NPR3: variants seen among roughly 807,000 people sequenced by gnomAD.
The protein encoded by NPR3 is natriuretic peptide receptor 3.
In NPR3, 34 loss-of-function variants were observed where a neutral mutation model predicts 54.5. The observed-to-expected ratio is 0.62, with a 90% CI of 0.47 to 0.83. The LOEUF (loss-of-function observed/expected upper bound fraction) is 0.83, where lower values mean the gene tolerates loss of function less well. NPR3 is among the 40% of genes least tolerant of loss of function. The pLI, the probability that NPR3 is intolerant of heterozygous loss-of-function variation, is 0.00. For synonymous variants in NPR3, 289 were observed against 297.1 expected (o/e 0.97, Z 0.28); for missense variants, 674 against 720.8 (o/e 0.94, Z 0.74).
chr5:32,693,995 G>A (rs775917027), intron 1 of NPR3, among the ~76,000 whole-genome samples: 2 of 151,926 alleles, frequency 1.3e-5, no homozygotes, highest in Non-Finnish European at 1.5e-5. Flanking sequence ...TTCTTTTCTC[G>A]TTGCCTCTGA....
At chr5:32,785,079 A>G (rs891917491) in intron 7 of NPR3, among the ~76,000 whole-genome samples, 196 bp downstream of exon 7, 14 of 149,742 alleles carry the variant, frequency 9.3e-5, no homozygotes, top group Non-Finnish European at 1.8e-4. Flanking sequence ...TGCCAGGGTC[A>G]TGGGTTTTGA....
chr5:32,710,639 C>A, upstream of NPR3: 1 of 1,469,210 alleles, frequency 6.8e-7, no homozygotes, highest in Non-Finnish European at 9.1e-7. Context: ...GACGCCCGGG[C>A]CAGCCGGGCA....
At chr5:32,702,098 G>A (rs62369519) in intron 1 of NPR3, among the ~76,000 whole-genome samples, 39,357 of 152,040 alleles carry the variant, frequency 0.26, 5,851 homozygotes, top group Non-Finnish European at 0.32. Context: ...AGCCAGGCTT[G>A]TGTTCTTCTC....
chr5:32,691,531 G>T (rs903698479), intron 1 of NPR3, among the ~76,000 whole-genome samples: 2 of 152,206 alleles, frequency 1.3e-5, no homozygotes, highest in African/African-American at 4.8e-5. Context: ...TCAGGAAACT[G>T]GTTCAGCTTT....
intron 1 of NPR3, among the ~76,000 whole-genome samples, chr5:32,701,097 C>T (rs570271590): frequency 1.6e-4 from 25 of 152,266 alleles, no homozygotes; most frequent in African/African-American, 4.6e-4. Flanking sequence ...TTCTAACTGG[C>T]GCGAGATGGT....
chr5:32,787,881 G>C lies in NPR3; in HGVS notation c.*1536G>C, dbSNP rs540022757. ...TGGGGTCTTTCCTCAATAACATTTTGAGCATCTGAAAAATAGTTTAAAAAA... is the reference window on the plus strand; with the variant it reads ...TGGGGTCTTTCCTCAATAACATTTTCAGCATCTGAAAAATAGTTTAAAAAA... On this transcript the variant is annotated 3_prime_UTR_variant, in exon 8 of 8. Coordinates refer to ENST00000265074, the MANE Select transcript of NPR3 (RefSeq NM_001204375.2). 1.3e-5 allele frequency: 2 copies of C among 152,150 alleles called. No individual in the cohort carries two copies. Among genetic ancestry groups the C allele is most frequent in the Admixed American group, 6.5e-5 (1 of 15,270 alleles). 9.4% of individuals were successfully genotyped at this position (152,150 alleles called of 1,614,324 possible).
rs80009161 is a variant in NPR3, at chr5:32,789,198, A to G, written c.*2853A>G. ...CTCATCCAGTCAAACTTCAGCTGAC[A>G]TTGATACAGGTCAAAATGCGTAGAT... On this transcript the variant is annotated 3_prime_UTR_variant, in exon 8 of 8. Coordinates refer to ENST00000265074, the MANE Select transcript of NPR3 (RefSeq NM_001204375.2). The G allele has an allele frequency of 3.9e-6, 1 of 257,422 alleles. No homozygotes were observed. Among genetic ancestry groups the G allele is most frequent in the East Asian group, 9.4e-5 (1 of 10,658 alleles). 15.9% of individuals were successfully genotyped at this position (257,422 alleles called of 1,614,324 possible). A position where few individuals can be genotyped will look rare whatever the true frequency, so the allele number is the denominator to read the frequency against.
intron 1 of NPR3, chr5:32,713,519 T>G: frequency 1.1e-6 from 1 of 936,286 alleles, no homozygotes; most frequent in Non-Finnish European, 1.3e-6. Context: ...TTAGGAGCAC[T>G]GCGATGAGGG....
intron 1 of NPR3, among the ~76,000 whole-genome samples, chr5:32,697,865 T>C (rs1309777995): frequency 6.6e-6 from 1 of 152,146 alleles, no homozygotes; most frequent in Non-Finnish European, 1.5e-5. Flanking sequence ...ATTTTATTTA[T>C]TCAGGTATTC....
At chr5:32,735,479 C>CAA (rs10555665) in intron 2 of NPR3, among the ~76,000 whole-genome samples, 2,221 of 127,010 alleles carry the variant, frequency 0.017, 17 homozygotes, top group African/African-American at 0.027. Flanking sequence ...AGAAAAATAC[C>CAA]AAAAAAAAAA....
chr5:32,692,340 T>A (rs1740413850), intron 1 of NPR3, among the ~76,000 whole-genome samples: 1 of 152,190 alleles, frequency 6.6e-6, no homozygotes, highest in African/African-American at 2.4e-5. Context: ...CAGGTTAAAA[T>A]AGCTCTTACT....
Position 32,756,495 on chromosome 5 carries a change from G to A in NPR3, c.1059+17465G>A, listed in dbSNP as rs1272846226. ...TTTGTTTGAGTTCTTTGTAGATTCC[G>A]GATATTAGCCCTTTGTCAGATGAGT... is the stretch of plus-strand genomic sequence containing the variant. On this transcript the variant is annotated intron_variant, in intron 3 of 7. Coordinates refer to ENST00000265074, the MANE Select transcript of NPR3 (RefSeq NM_001204375.2). 3.9e-5 allele frequency among the ~76,000 whole-genome samples: 6 copies of A among 152,076 alleles called. No homozygotes were observed. The East Asian group carries it at 5.8e-4, about 15-fold the overall frequency.
Position 32,788,118 on chromosome 5 carries a change from T to C in NPR3, c.*1773T>C, listed in dbSNP as rs991023668. ...CACCTGAGTCACAGTTAACAGATTA[T>C]TTCTGTGTGAGGCACATTTCCCTTC... is the stretch of plus-strand genomic sequence containing the variant. On this transcript the variant is annotated 3_prime_UTR_variant, in exon 8 of 8. Coordinates refer to ENST00000265074, the MANE Select transcript of NPR3 (RefSeq NM_001204375.2). 1 of 152,200 alleles carries C rather than the reference T, an allele frequency of 6.6e-6. No individual in the cohort carries two copies. Among genetic ancestry groups the C allele is most frequent in the Non-Finnish European group, 1.5e-5 (1 of 68,042 alleles). The allele number at this position is 152,200 out of a possible 1,614,324, so 9.4% of individuals were successfully genotyped here. A position where few individuals can be genotyped will look rare whatever the true frequency, so the allele number is the denominator to read the frequency against.
intron 2 of NPR3, among the ~76,000 whole-genome samples, chr5:32,732,064 AC>A: frequency 6.6e-6 from 1 of 151,358 alleles, no homozygotes; most frequent in East Asian, 1.9e-4. Flanking sequence ...ACAAGGTGAA[AC>A]CCCGTCTCTA....
intron 1 of NPR3, among the ~76,000 whole-genome samples, chr5:32,712,937 T>C (rs1239507207): frequency 6.6e-6 from 1 of 152,088 alleles, no homozygotes; most frequent in African/African-American, 2.4e-5. Context: ...AAAGAACTTG[T>C]TCCCCAGTCC....
Position 32,711,566 on chromosome 5 carries a change from CT to C in NPR3, c.-201del, listed in dbSNP as rs1554012346. On this transcript the variant is annotated 5_prime_UTR_variant, in exon 1 of 8. Coordinates refer to ENST00000265074, the MANE Select transcript of NPR3 (RefSeq NM_001204375.2). Reference sequence around the variant, plus strand: ...CGGTGAACTTTTTCTTTTTCTTTTTCTTTTTTTTTTAAGAAAAACTAGTGAC... The same window carrying C: ...CGGTGAACTTTTTCTTTTTCTTTTTCTTTTTTTTTAAGAAAAACTAGTGAC... The C allele has an allele frequency of 8.9e-7, 1 of 1,120,964 alleles. No individual in the cohort carries two copies. Among genetic ancestry groups the C allele is most frequent in the East Asian group, 3.6e-5 (1 of 27,686 alleles). The allele number at this position is 1,120,964 out of a possible 1,614,324, so 69.4% of individuals were successfully genotyped here. A position where few individuals can be genotyped will look rare whatever the true frequency, so the allele number is the denominator to read the frequency against.
rs774265872 is a variant in NPR3 at position 32,738,994 on chromosome 5, T to A, written c.1023T>A (p.Ser341Arg). 1 of 1,613,866 alleles carries A rather than the reference T, an allele frequency of 6.2e-7. No homozygotes were observed. Among genetic ancestry groups the A allele is most frequent in the East Asian group, 2.2e-5 (1 of 44,896 alleles). The change falls in exon 3 of 8, where the codon AGT becomes AGA. Residue 341 changes from serine to arginine, a missense_variant. Ser to Arg is a moderately radical substitution (Grantham distance 110, BLOSUM62 -1). Coordinates refer to ENST00000265074, the MANE Select transcript of NPR3 (RefSeq NM_001204375.2). ...EFEKFSMEVKSSVEKQGLNME... is the reference protein window; with the variant it reads ...EFEKFSMEVKRSVEKQGLNME... ...AGAAGTTTTCCATGGAGGTGAAAAGTTCAGTTGAGAAACAAGGGCTCAATA... is the reference window on the plus strand; with the variant it reads ...AGAAGTTTTCCATGGAGGTGAAAAGATCAGTTGAGAAACAAGGGCTCAATA...
intron 2 of NPR3, among the ~76,000 whole-genome samples, chr5:32,728,074 T>C (rs978024760): frequency 6.6e-6 from 1 of 152,232 alleles, no homozygotes; most frequent in Non-Finnish European, 1.5e-5. Flanking sequence ...TCAAGTGTAC[T>C]TTGTCATGAT....
Position 32,739,814 on chromosome 5 carries a change from A to T in NPR3, c.1059+784A>T, listed in dbSNP as rs1460865257. 2.6e-5 allele frequency among the ~76,000 whole-genome samples: 4 copies of T among 152,186 alleles called. No individual in the cohort carries two copies. In the East Asian group the frequency reaches 7.7e-4, roughly 29 times the overall value. The stretch of plus-strand genomic sequence containing the variant: ...AGTGATGGGCACCTTGGGCTAGTTG[A>T]GTAGGTGTGCTGGTCTTCAAAACTA... On this transcript the variant is annotated intron_variant, in intron 3 of 7. Coordinates refer to ENST00000265074, the MANE Select transcript of NPR3 (RefSeq NM_001204375.2).
Sources: allele counts gnomAD v4.1 joint callset (sites outside exome capture counted in the v4.1 genomes callset), GRCh38; gene constraint gnomAD v4.1.1; transcripts MANE v1.5; gene names NCBI Gene and HGNC (gene_info 2026-07-23, HGNC 2026-07-21).